Variants in PINX1 observed in about 807,000 individuals in gnomAD.
PINX1 encodes the protein PIN2/TERF1-interacting telomerase inhibitor 1.
In PINX1, 34 loss-of-function variants were observed where a neutral mutation model predicts 25.4. The ratio of observed to expected loss-of-function variants is 1.34; its 90% confidence interval spans 1.02 to 1.78. PINX1 has a LOEUF of 1.78. Among genes scored for constraint, PINX1 ranks in the 40% most tolerant of loss-of-function variants. The pLI is 0.00. For synonymous variants in PINX1, 197 were observed against 147.7 expected (o/e 1.33, Z -2.42); for missense variants, 592 against 404.9 (o/e 1.46, Z -3.97).
intron 6 of PINX1, among the ~76,000 whole-genome samples, chr8:10,806,403 T>C (rs1802453639): frequency 6.8e-6 from 1 of 146,736 alleles, no homozygotes; most frequent in Non-Finnish European, 1.6e-5. Context: ...ACAGAGTAAG[T>C]TTTTGTGTTT....
Position 10,765,453 on chromosome 8 carries a change from G to C in PINX1, c.935C>G (p.Ala312Gly). 1.9e-6 allele frequency: 3 copies of C among 1,612,534 alleles called. No individual in the cohort carries two copies. The highest frequency in any genetic ancestry group is 2.2e-5 in the South Asian group (2 of 91,062). Reference sequence around the variant, plus strand: ...TTTCACTAGCGTTTCTTCTAGTGTAGCGTCCTCTGCTATCTCTACTGGTTT... The same window carrying C: ...TTTCACTAGCGTTTCTTCTAGTGTACCGTCCTCTGCTATCTCTACTGGTTT... ...LQKPVEIAEDATLEETLVKKK... is the reference protein window; with the variant it reads ...LQKPVEIAEDGTLEETLVKKK... The change falls in exon 7 of 7, where the codon GCT (alanine) becomes GGT (glycine). Residue 312 changes from alanine (A) to glycine (G), a missense_variant. By Grantham distance (60) the Ala-to-Gly change is moderately conservative. Transcript: ENST00000314787.
At chr8:10,822,566 T>C (rs973314272) in intron 5 of PINX1, among the ~76,000 whole-genome samples, 12 of 152,240 alleles carry the variant, frequency 7.9e-5, no homozygotes, top group Non-Finnish European at 1.5e-4. Context: ...CTTTAGCTGT[T>C]TGTCTAATAA....
Position 10,791,216 on chromosome 8 carries a change from T to TC in PINX1, c.472-25301dup, listed in dbSNP as rs958863918. ...CATGAGCCATCATGCCCAGCCAAAATCCCCCCTTTTTAGATCCTCAGCTTA... is the reference window on the plus strand; with the variant it reads ...CATGAGCCATCATGCCCAGCCAAAATCCCCCCCTTTTTAGATCCTCAGCTTA... On this transcript the variant is annotated intron_variant, in intron 6 of 6. Coordinates refer to ENST00000314787, the MANE Select transcript of PINX1 (RefSeq NM_017884.6). Among the ~76,000 whole-genome samples the TC allele has an allele frequency of 2.7e-4, 41 of 151,798 alleles. 1 individual carries two copies. The South Asian group carries it at 8.2e-3, about 30-fold the overall frequency.
intron 6 of PINX1, among the ~76,000 whole-genome samples, chr8:10,811,923 G>C (rs919471017): frequency 6.6e-6 from 1 of 152,194 alleles, no homozygotes; most frequent in Non-Finnish European, 1.5e-5. Context: ...CTGGTGTGGA[G>C]GTGGTAAGGG....
chr8:10,831,326 T>C (rs934096082), intron 4 of PINX1, among the ~76,000 whole-genome samples: 3 of 152,242 alleles, frequency 2.0e-5, no homozygotes, highest in Admixed American at 2.0e-4. Context: ...GGCTAATGGA[T>C]ATAAAAGTCC....
intron 6 of PINX1, among the ~76,000 whole-genome samples, chr8:10,779,540 ATC>A (rs548336579): frequency 2.0e-5 from 3 of 152,050 alleles, no homozygotes; most frequent in African/African-American, 7.2e-5. Flanking sequence ...AACCCTCTGA[ATC>A]TCTCTCTCTC....
intron 6 of PINX1, among the ~76,000 whole-genome samples, chr8:10,802,688 C>T (rs1802306494): frequency 6.6e-6 from 1 of 152,166 alleles, no homozygotes; most frequent in African/African-American, 2.4e-5. Context: ...GCTTCTACAC[C>T]TCACTTCGGT....
chr8:10,778,680 C>A (rs1586140859), intron 6 of PINX1, among the ~76,000 whole-genome samples: 1 of 152,204 alleles, frequency 6.6e-6, no homozygotes, highest in Non-Finnish European at 1.5e-5. Flanking sequence ...GAATGGCCCA[C>A]ATTTATTTGA....
At chr8:10,818,610 A>G (rs1797772169) in intron 6 of PINX1, among the ~76,000 whole-genome samples, 1 of 152,192 alleles carries the variant, frequency 6.6e-6, no homozygotes, top group African/African-American at 2.4e-5. Context: ...AGCAGCAGGC[A>G]GAAGAGAGGA....
At chr8:10,814,803 C>A (rs1199794712) in intron 6 of PINX1, among the ~76,000 whole-genome samples, 1 of 152,224 alleles carries the variant, frequency 6.6e-6, no homozygotes, top group African/African-American at 2.4e-5. Flanking sequence ...TGAATCCCTA[C>A]CACGTGCCAA....
chr8:10,790,006 T>G (rs868164308), intron 6 of PINX1, among the ~76,000 whole-genome samples: 2 of 152,192 alleles, frequency 1.3e-5, no homozygotes, highest in African/African-American at 4.8e-5. Flanking sequence ...TGAGGACAAC[T>G]GCATTCAGGA....
At chr8:10,781,223 A>G (rs1158346058) in intron 6 of PINX1, among the ~76,000 whole-genome samples, 4 of 152,296 alleles carry the variant, frequency 2.6e-5, no homozygotes, top group South Asian at 2.1e-4. Flanking sequence ...AGACCTAAAC[A>G]TAAGACCTAA....
rs907176419 is a variant in PINX1, at chr8:10,820,056, A to G, written c.471+137T>C. 7.5e-6 allele frequency: 5 copies of G among 669,226 alleles called. No individual in the cohort carries two copies. In the East Asian group the frequency reaches 1.4e-4, roughly 18 times the overall value. 41.5% of individuals were successfully genotyped at this position (669,226 alleles called of 1,614,324 possible). ...TAATATTATGAAAAGGATCATATCT[A>G]GGCTGTGCATGAAGCCTCCAAAGTG... is the stretch of plus-strand genomic sequence containing the variant. On this transcript the variant is annotated intron_variant, in intron 6 of 6. Transcript: ENST00000314787.
At chr8:10,805,371 G>C (rs760027005) in intron 6 of PINX1, among the ~76,000 whole-genome samples, 1 of 152,246 alleles carries the variant, frequency 6.6e-6, no homozygotes, top group African/African-American at 2.4e-5. Flanking sequence ...GTTAGGAATG[G>C]CATATTTCCA....
intron 4 of PINX1, among the ~76,000 whole-genome samples, chr8:10,828,591 G>C (rs986308522): frequency 6.6e-6 from 1 of 152,198 alleles, no homozygotes; most frequent in African/African-American, 2.4e-5. Flanking sequence ...TCTCAGCCTT[G>C]AGAGGGCAGA....
chr8:10,830,106 G>C (rs1236854926), intron 4 of PINX1, among the ~76,000 whole-genome samples: 1 of 152,174 alleles, frequency 6.6e-6, no homozygotes, highest in Non-Finnish European at 1.5e-5. Context: ...TTCCTAATAT[G>C]AGTCATTCAG....
chr8:10,768,190 A>T (rs1801118322), intron 6 of PINX1, among the ~76,000 whole-genome samples: 1 of 152,162 alleles, frequency 6.6e-6, no homozygotes, highest in Non-Finnish European at 1.5e-5. Context: ...TGGCTCGTTT[A>T]TGCAACAGAA....
intron 6 of PINX1, among the ~76,000 whole-genome samples, chr8:10,819,654 C>G (rs1421631139): frequency 1.3e-5 from 2 of 152,174 alleles, no homozygotes; most frequent in African/African-American, 2.4e-5. Flanking sequence ...TTAGTCACCC[C>G]ATTCTTTTCT....
chr8:10,819,723 T>C (rs191969857), intron 6 of PINX1, among the ~76,000 whole-genome samples: 2 of 152,324 alleles, frequency 1.3e-5, no homozygotes, highest in East Asian at 1.9e-4. Context: ...AACCCCCTTA[T>C]AGATGGTGCT....
Sources: gnomAD v4.1 joint callset for allele counts (sites outside exome capture counted in the v4.1 genomes callset) on GRCh38, gnomAD v4.1.1 for gene constraint, MANE v1.5 for transcripts, NCBI Gene and HGNC (gene_info 2026-07-23, HGNC 2026-07-21) for gene names.